PTPRN2: variants seen among roughly 807,000 people sequenced by gnomAD.
PTPRN2 encodes protein tyrosine phosphatase receptor type N2, also known as receptor-type tyrosine-protein phosphatase N2.
PTPRN2 carries 74 observed loss-of-function variants against 118.8 expected under a neutral mutation model. That is an observed-to-expected ratio of 0.62 (90% CI 0.52 to 0.76). The LOEUF (loss-of-function observed/expected upper bound fraction) is 0.76. Ranked by LOEUF, PTPRN2 falls within the 30% of genes least tolerant of loss-of-function variation. The probability of loss-of-function intolerance (pLI) is 0.00; values close to 1 mark genes in which losing one functional copy is unlikely to be tolerated. For synonymous variants in PTPRN2, 641 were observed against 608.0 expected (o/e 1.05, Z -0.80); for missense variants, 1,481 against 1,394.4 (o/e 1.06, Z -0.99).
At position 158,461,679 on chromosome 7, in the gene PTPRN2, CG is replaced by C. The variant is rs1394183530; in HGVS notation, c.163+28055del. ...CCTGCCACTCCCACTGGGTACTACA[CG>C]CGAGCATTTCCCGGAACCATGGAAA... On this transcript the variant is annotated intron_variant, in intron 2 of 22. Coordinates refer to ENST00000389418, the MANE Select transcript of PTPRN2 (RefSeq NM_002847.5). Among the ~76,000 whole-genome samples the C allele has an allele frequency of 5.3e-5, 8 of 152,322 alleles. No individual in the cohort carries two copies. The East Asian group carries it at 1.4e-3, about 26-fold the overall frequency.
chr7:158,161,213 C>A (rs1378931591), intron 6 of PTPRN2, among the ~76,000 whole-genome samples: 2 of 152,128 alleles, frequency 1.3e-5, no homozygotes, highest in African/African-American at 4.8e-5. Context: ...TGGATACAAG[C>A]AAGTTTATTC....
intron 1 of PTPRN2, among the ~76,000 whole-genome samples, chr7:158,582,441 C>T (rs1033007855): frequency 7.9e-5 from 12 of 152,002 alleles, no homozygotes; most frequent in South Asian, 2.1e-4. Context: ...TAAACCTGGT[C>T]GGGCACAGTG....
At chr7:158,126,944 A>C (rs1045284897) in intron 9 of PTPRN2, among the ~76,000 whole-genome samples, 5 of 151,978 alleles carry the variant, frequency 3.3e-5, no homozygotes, top group African/African-American at 1.2e-4. Flanking sequence ...CTGAACCCCC[A>C]CAGAGGTGAG....
At chr7:158,057,495 T>C (rs1809881538) in intron 11 of PTPRN2, among the ~76,000 whole-genome samples, 1 of 152,150 alleles carries the variant, frequency 6.6e-6, no homozygotes, top group African/African-American at 2.4e-5. Flanking sequence ...GCCTCTGCAG[T>C]CTCACCTGCT....
chr7:158,440,872 T>TTGG (rs762158217), intron 2 of PTPRN2, among the ~76,000 whole-genome samples: 1 of 73,434 alleles, frequency 1.4e-5, no homozygotes, highest in Non-Finnish European at 2.8e-5. Context: ...GGCAGTGGTA[T>TTGG]TGGTGGTGGT....
At position 157,846,558 on chromosome 7, in the gene PTPRN2, C is replaced by T. The variant is rs146478875; in HGVS notation, c.1788+52115G>A. Among the ~76,000 whole-genome samples the T allele has an allele frequency of 2.4e-3, 363 of 152,266 alleles. 2 individuals are homozygous for T. The highest frequency in any genetic ancestry group is 3.2e-3 in the Non-Finnish European group (216 of 68,022). On this transcript the variant is annotated intron_variant, in intron 12 of 22. Transcript: ENST00000389418. ...CACCAGTTTGTCACTGCCCTGAGTGCGCTGCCCCAACACCCTGCCTGCTGC... is the reference window on the plus strand; with the variant it reads ...CACCAGTTTGTCACTGCCCTGAGTGTGCTGCCCCAACACCCTGCCTGCTGC...
chr7:157,949,241 A>G (rs1800670177), intron 11 of PTPRN2, among the ~76,000 whole-genome samples: 1 of 152,186 alleles, frequency 6.6e-6, no homozygotes, highest in South Asian at 2.1e-4. Flanking sequence ...GCATTTTGGG[A>G]TGGTGAAAAT....
At chr7:157,725,201 G>A (rs1292294344) in intron 12 of PTPRN2, among the ~76,000 whole-genome samples, 4 of 150,022 alleles carry the variant, frequency 2.7e-5, no homozygotes, top group African/African-American at 9.9e-5. Flanking sequence ...TCCACACGCA[G>A]AGGACTGCGG....
chr7:158,528,952 C>T (rs1825006953), intron 1 of PTPRN2, among the ~76,000 whole-genome samples: 2 of 152,162 alleles, frequency 1.3e-5, no homozygotes, highest in South Asian at 4.1e-4. Flanking sequence ...GGTGGAAACA[C>T]CAGCTCCTCA....
intron 2 of PTPRN2, among the ~76,000 whole-genome samples, 183 bp downstream of exon 2, chr7:158,489,552 C>T (rs547832550): frequency 1.4e-4 from 21 of 152,310 alleles, no homozygotes; most frequent in South Asian, 6.2e-4. Context: ...ACCCGGGCAA[C>T]CTCTTCTCCC....
rs781619054 is a variant in PTPRN2, at chr7:158,047,832, G to A, written c.1723+33466C>T. ...AACATGCAGCCAGTCTTTTCTCAGT[G>A]CAAAATGGGCAAGCCGGGAGCTCTC... On this transcript the variant is annotated intron_variant, in intron 11 of 22. Coordinates refer to ENST00000389418, the MANE Select transcript of PTPRN2 (RefSeq NM_002847.5). Among the ~76,000 whole-genome samples, 5 of 152,230 alleles carry A rather than the reference G, an allele frequency of 3.3e-5. No individual in the cohort carries two copies. In the East Asian group the frequency reaches 5.8e-4, roughly 18 times the overall value.
intron 2 of PTPRN2, among the ~76,000 whole-genome samples, chr7:158,342,458 C>T (rs1249332929): frequency 1.6e-5 from 1 of 63,448 alleles, no homozygotes; most frequent in Admixed American, 1.5e-4. Context: ...CACACCCACA[C>T]TCTCACCATA....
intron 12 of PTPRN2, among the ~76,000 whole-genome samples, chr7:157,855,208 G>A (rs1181068721): frequency 1.3e-5 from 2 of 151,152 alleles, no homozygotes; most frequent in Admixed American, 6.6e-5. Context: ...GGCCGGATCG[G>A]GGAGGATGGC....
At chr7:158,125,804 A>G (rs1234497946) in intron 9 of PTPRN2, among the ~76,000 whole-genome samples, 4 of 152,112 alleles carry the variant, frequency 2.6e-5, no homozygotes, top group Non-Finnish European at 5.9e-5. Flanking sequence ...AGAAACACAG[A>G]ATCCATCTTC....
At chr7:157,827,611 TG>T (rs974917903) in intron 12 of PTPRN2, among the ~76,000 whole-genome samples, 11 of 152,050 alleles carry the variant, frequency 7.2e-5, no homozygotes, top group African/African-American at 2.7e-4. Context: ...GCCCAGGGAG[TG>T]GGCACTGCGT....
chr7:158,444,005 C>T (rs1039592958), intron 2 of PTPRN2, among the ~76,000 whole-genome samples: 13 of 152,210 alleles, frequency 8.5e-5, no homozygotes, highest in Non-Finnish European at 8.8e-5. Context: ...GTCATTCCAG[C>T]AGCACCTTCT....
chr7:157,668,710 G>A (rs968695348), intron 13 of PTPRN2, among the ~76,000 whole-genome samples: 8 of 152,176 alleles, frequency 5.3e-5, no homozygotes, highest in Admixed American at 4.6e-4. Flanking sequence ...TGGCTCGAAT[G>A]TAAAACGGTT....
intron 12 of PTPRN2, among the ~76,000 whole-genome samples, chr7:157,770,027 G>A (rs558058032): frequency 8.7e-4 from 133 of 152,298 alleles, no homozygotes; most frequent in Non-Finnish European, 1.1e-3. Flanking sequence ...CAGCCCGTCC[G>A]GCCTGGGGTT....
chr7:158,315,931 C>T (rs1802282713), intron 3 of PTPRN2, among the ~76,000 whole-genome samples: 1 of 152,174 alleles, frequency 6.6e-6, no homozygotes, highest in Non-Finnish European at 1.5e-5. Flanking sequence ...CCTGCCGTTG[C>T]CCCATGGGCC....
Sources: allele counts gnomAD v4.1 joint callset (sites outside exome capture counted in the v4.1 genomes callset), GRCh38; gene constraint gnomAD v4.1.1; transcripts MANE v1.5; gene names NCBI Gene and HGNC (gene_info 2026-07-23, HGNC 2026-07-21).